Variants in TDRD5 observed in about 807,000 individuals in gnomAD.
The protein encoded by TDRD5 is tudor domain containing 5.
Under a neutral mutation model 120.6 loss-of-function variants are expected in TDRD5, and 41 were observed. The observed-to-expected ratio is 0.34, with a 90% CI of 0.26 to 0.44. The LOEUF is 0.44. Among genes scored for constraint, TDRD5 ranks in the 20% least tolerant of loss-of-function variants. TDRD5 has a pLI of 1.00. For missense variants in TDRD5, 1,006 were observed against 1,221.2 expected (o/e 0.82, Z 2.63); for synonymous variants, 430 against 433.7 (o/e 0.99, Z 0.11).
chr1:179,671,611 G>A (rs1446505574), intron 17 of TDRD5, among the ~76,000 whole-genome samples: 1 of 148,082 alleles, frequency 6.8e-6, no homozygotes, highest in African/African-American at 2.5e-5. Context: ...TACTTCAATA[G>A]GTTTTTGGGG....
chr1:179,657,728 GT>G (rs969682569), intron 14 of TDRD5, among the ~76,000 whole-genome samples: 4 of 151,750 alleles, frequency 2.6e-5, no homozygotes, highest in East Asian at 1.9e-4. Context: ...TATTTTCTTA[GT>G]TTTTTTAATT....
chr1:179,633,882 G>A (rs1677601695), intron 7 of TDRD5, among the ~76,000 whole-genome samples: 1 of 151,740 alleles, frequency 6.6e-6, no homozygotes, highest in South Asian at 2.1e-4. Flanking sequence ...TAAAGTTTAA[G>A]AAACCTTGGC....
chr1:179,651,899 C>A, intron 12 of TDRD5, 140 bp from the exon 13 acceptor site: 2 of 952,504 alleles, frequency 2.1e-6, no homozygotes, highest in Non-Finnish European at 3.0e-6. Context: ...GGCAACAGAG[C>A]GAGACTCCAT....
Position 179,637,718 on chromosome 1 carries a change from GA to G in TDRD5, c.1520+1843del, listed in dbSNP as rs34392871. ...CAACAGAGTAAGGCCCTGTCTGGGG[GA>G]AAAAAAAAAAATACTGTAACTACTG... On this transcript the variant is annotated intron_variant, in intron 9 of 17. Coordinates refer to ENST00000444136, the MANE Select transcript of TDRD5 (RefSeq NM_001199085.3). Among the ~76,000 whole-genome samples the G allele has an allele frequency of 5.5e-3, 724 of 130,820 alleles. 10 individuals are homozygous for G. The highest frequency in any genetic ancestry group is 0.017 in the African/African-American group (659 of 37,676). 85.8% of individuals were successfully genotyped at this position (130,820 alleles called of 152,430 possible).
chr1:179,659,343 C>A (rs1050367587), intron 14 of TDRD5, among the ~76,000 whole-genome samples: 5 of 152,124 alleles, frequency 3.3e-5, no homozygotes, highest in African/African-American at 1.2e-4. Context: ...TAACTGTAAT[C>A]TTGGATTTTG....
chr1:179,677,720 C>T (rs1462339408), intron 17 of TDRD5, among the ~76,000 whole-genome samples: 10 of 152,172 alleles, frequency 6.6e-5, no homozygotes, highest in Non-Finnish European at 1.5e-4. Context: ...TCAGGTCTTG[C>T]AGCCATAGAT....
chr1:179,676,823 C>G (rs1680168836), intron 17 of TDRD5, among the ~76,000 whole-genome samples: 1 of 152,120 alleles, frequency 6.6e-6, no homozygotes, highest in South Asian at 2.1e-4. Flanking sequence ...TGACTGTATG[C>G]CTAGGCAGTT....
intron 4 of TDRD5, among the ~76,000 whole-genome samples, chr1:179,609,456 G>A (rs959232053): frequency 6.6e-6 from 1 of 152,116 alleles, no homozygotes; most frequent in Admixed American, 6.5e-5. Flanking sequence ...CATCGTGTTG[G>A]CATTGAAAGA....
rs558456490 is a variant in TDRD5, at chr1:179,669,187, T to C, written c.2650-7T>C. 38 of 1,609,576 alleles carry C rather than the reference T, an allele frequency of 2.4e-5. No homozygotes were observed. Among genetic ancestry groups the C allele is most frequent in the Admixed American group, 5.1e-5 (3 of 59,380 alleles). ...CATGTTTTTGCCCCATTTTTCCCAT[T>C]CTGCAGCAACTAGACATAAATGGTT... On this transcript the variant is annotated splice_region_variant and splice_polypyrimidine_tract_variant and intron_variant, in intron 16 of 17. Coordinates refer to ENST00000444136, the MANE Select transcript of TDRD5 (RefSeq NM_001199085.3).
chr1:179,688,387 G>A (rs1469640484), intron 17 of TDRD5, among the ~76,000 whole-genome samples: 3 of 136,254 alleles, frequency 2.2e-5, no homozygotes, highest in African/African-American at 7.4e-5. Context: ...CTCTCTTCTG[G>A]TTTGTAGAGT....
rs528700583 is a variant in TDRD5 at position 179,641,566 on chromosome 1, T to A, written c.1800+1121T>A. On this transcript the variant is annotated intron_variant, in intron 11 of 17. Transcript: ENST00000444136. Reference sequence around the variant, plus strand: ...AAAGAAGAAAGAAAAAGAAAAAAAATTACCTATAATTCCACCACTCAAACA... The same window carrying A: ...AAAGAAGAAAGAAAAAGAAAAAAAAATACCTATAATTCCACCACTCAAACA... Among the ~76,000 whole-genome samples, 19 of 151,870 alleles carry A rather than the reference T, an allele frequency of 1.3e-4. No homozygotes were observed. In the South Asian group the frequency reaches 3.7e-3, roughly 30 times the overall value.
Position 179,654,227 on chromosome 1 carries a change from A to C in TDRD5, c.2187A>C (p.Leu729Phe). 1 of 1,546,146 alleles carries C rather than the reference A, an allele frequency of 6.5e-7. No individual in the cohort carries two copies. The highest frequency in any genetic ancestry group is 8.7e-7 in the Non-Finnish European group (1 of 1,144,760). The change falls in exon 14 of 18, where the codon TTA becomes TTC. Residue 729 changes from leucine (L) to phenylalanine (F), a missense_variant. Leu to Phe is a conservative substitution (Grantham distance 22, BLOSUM62 0). This residue lies in a region of TDRD5 where 403 missense variants were observed against 448.1 expected (regional missense o/e 0.90). Coordinates refer to ENST00000444136, the MANE Select transcript of TDRD5 (RefSeq NM_001199085.3). ...AAGATATTAATGATGAAAAGTCTTT[A>C]AGTCATCTTAAATCTGAGTCAAAGG... The part of the protein sequence containing the change: ...ILQDINDEKS[L>F]SHLKSESKEP...
chr1:179,639,083 C>T (rs547740120), intron 9 of TDRD5, among the ~76,000 whole-genome samples: 2 of 152,288 alleles, frequency 1.3e-5, no homozygotes, highest in South Asian at 2.1e-4. Flanking sequence ...TGAGAATTAA[C>T]AATTGATCAG....
intron 1 of TDRD5, 53 bp from the exon 2 acceptor site, chr1:179,592,549 A>C (rs1164239833): frequency 7.1e-6 from 10 of 1,402,480 alleles, no homozygotes; most frequent in Non-Finnish European, 9.9e-6. Context: ...TTTTTTTTTA[A>C]ATCTTTTTTC....
chr1:179,666,107 A>G (rs1679542123), intron 16 of TDRD5, among the ~76,000 whole-genome samples: 1 of 152,218 alleles, frequency 6.6e-6, no homozygotes, highest in Non-Finnish European at 1.5e-5. Flanking sequence ...TGAAAGTACT[A>G]CATATGCAGG....
chr1:179,660,237 T>TG (rs1679235150), intron 14 of TDRD5, among the ~76,000 whole-genome samples: 1 of 85,342 alleles, frequency 1.2e-5, no homozygotes, highest in Non-Finnish European at 2.4e-5. Context: ...TTTTTTTTTT[T>TG]GAGACAGAGT....
chr1:179,618,738 C>A, intron 5 of TDRD5, 56 bp downstream of exon 5: 1 of 1,309,422 alleles, frequency 7.6e-7, no homozygotes, highest in Admixed American at 2.5e-5. Flanking sequence ...ATTTATATAT[C>A]ATTTGTGGTT....
intron 11 of TDRD5, among the ~76,000 whole-genome samples, chr1:179,649,978 A>G (rs569203526): frequency 2.6e-5 from 4 of 152,314 alleles, no homozygotes; most frequent in Admixed American, 1.3e-4. Context: ...CTGCAAATCT[A>G]TGTGAAGGAT....
chr1:179,592,971 G>A (rs1247929893), intron 2 of TDRD5, 124 bp downstream of exon 2: 39 of 1,001,762 alleles, frequency 3.9e-5, no homozygotes, highest in Non-Finnish European at 5.0e-5. Context: ...GTGGGGGAGG[G>A]AGACTCATAG....
Sources: gnomAD v4.1 joint callset for allele counts (sites outside exome capture counted in the v4.1 genomes callset) on GRCh38, gnomAD v4.1.1 for gene constraint, gnomAD v4.1.1 regional missense constraint, MANE v1.5 for transcripts, NCBI Gene and HGNC (gene_info 2026-07-23, HGNC 2026-07-21) for gene names.